The following ATXN7 variants were observed in gnomAD, a reference collection of about 807,000 sequenced individuals.
The protein encoded by ATXN7 is ataxin 7.
In ATXN7, 12 loss-of-function variants were observed where a neutral mutation model predicts 70.5. The observed-to-expected ratio is 0.17, with a 90% CI of 0.11 to 0.28. The LOEUF (loss-of-function observed/expected upper bound fraction) is 0.28. Among genes scored for constraint, ATXN7 ranks in the 10% least tolerant of loss-of-function variants. The pLI, the probability that ATXN7 is intolerant of heterozygous loss-of-function variation, is 1.00. For missense variants in ATXN7, 1,256 were observed against 1,131.7 expected (o/e 1.11, Z -1.58); for synonymous variants, 498 against 448.7 (o/e 1.11, Z -1.39).
At chr3:63,982,720 A>G (rs1022036865) in intron 7 of ATXN7, among the ~76,000 whole-genome samples, 1 of 151,746 alleles carries the variant, frequency 6.6e-6, no homozygotes, top group African/African-American at 2.4e-5. Flanking sequence ...CTTAAACAAT[A>G]TCTTTTCTAC....
chr3:63,906,726 G>A (rs1420180004), intron 2 of ATXN7, among the ~76,000 whole-genome samples: 1 of 152,192 alleles, frequency 6.6e-6, no homozygotes, highest in Non-Finnish European at 1.5e-5. Context: ...GAGGGAAACT[G>A]TTAAAGATGG....
At chr3:63,963,801 A>T (rs1297740367) in intron 5 of ATXN7, among the ~76,000 whole-genome samples, 1 of 152,172 alleles carries the variant, frequency 6.6e-6, no homozygotes, top group Non-Finnish European at 1.5e-5. Context: ...GTGTGAACCA[A>T]ACAGCAGTAC....
chr3:63,892,790 C>T (rs1367451786), intron 1 of ATXN7, among the ~76,000 whole-genome samples: 4 of 152,160 alleles, frequency 2.6e-5, no homozygotes, highest in Non-Finnish European at 4.4e-5. Flanking sequence ...CACTTAACAA[C>T]ATTGGGCCCT....
intron 2 of ATXN7, 119 bp from the exon 3 acceptor site, chr3:63,912,469 G>A: frequency 1.8e-6 from 1 of 566,926 alleles, no homozygotes; most frequent in Non-Finnish European, 2.3e-6. Flanking sequence ...CGGCCATGGG[G>A]GCGCTGTCAG....
chr3:63,919,819 A>C (rs973776003), intron 4 of ATXN7, among the ~76,000 whole-genome samples: 1 of 139,382 alleles, frequency 7.2e-6, no homozygotes, highest in Admixed American at 8.0e-5. Context: ...GGAGCAGTTC[A>C]CATACAGAGC....
intron 4 of ATXN7, among the ~76,000 whole-genome samples, chr3:63,948,199 T>G (rs1267320360): frequency 6.6e-6 from 1 of 152,028 alleles, no homozygotes; most frequent in East Asian, 1.9e-4. Flanking sequence ...GATGAAGATT[T>G]TAGGATAGAA....
At chr3:63,960,856 G>A (rs1248445493) in intron 5 of ATXN7, among the ~76,000 whole-genome samples, 1 of 150,964 alleles carries the variant, frequency 6.6e-6, no homozygotes, top group South Asian at 2.1e-4. Flanking sequence ...GGGGTGGGGG[G>A]TCATTTTTTC....
At chr3:63,948,671 G>C (rs988948146) in intron 4 of ATXN7, among the ~76,000 whole-genome samples, 1 of 152,170 alleles carries the variant, frequency 6.6e-6, no homozygotes. Flanking sequence ...TTCTAGCAGA[G>C]GGACTTCATT....
chr3:63,894,702 T>A (rs1011259162), intron 1 of ATXN7, among the ~76,000 whole-genome samples: 4 of 152,208 alleles, frequency 2.6e-5, no homozygotes, highest in African/African-American at 9.6e-5. Flanking sequence ...TTTTTAAAAA[T>A]TTTCTGTAGA....
At chr3:63,881,254 G>GAGT (rs3055545) in intron 1 of ATXN7, among the ~76,000 whole-genome samples, 103,872 of 151,622 alleles carry the variant, frequency 0.69, 37,532 homozygotes, top group South Asian at 0.83. Flanking sequence ...TTTTGTGATT[G>GAGT]AGTAGTACCA....
In ATXN7 at chr3:63,988,192, C is replaced by T. The variant is rs758864279; in HGVS notation, c.1229C>T (p.Pro410Leu). The T allele has an allele frequency of 3.1e-6, 5 of 1,614,110 alleles. No homozygotes were observed. The highest frequency in any genetic ancestry group is 1.1e-5 in the South Asian group (1 of 91,076). Residue 410 changes from proline (P) to leucine (L), a missense_variant, in exon 9 of 13, where the codon CCT becomes CTT. By Grantham distance (98) the Pro-to-Leu change is moderately conservative. Coordinates refer to ENST00000674280, the MANE Select transcript of ATXN7 (RefSeq NM_001377405.1). ...RHPDSQQPPQ[P>L]LRDPHPAPPR... ...CCGGACTCTCAGCAACCACCGCAGC[C>T]TCTCAGGGACCCGCATCCCGCCCCT...
intron 4 of ATXN7, among the ~76,000 whole-genome samples, chr3:63,932,279 A>T (rs2074561043): frequency 6.6e-6 from 1 of 152,246 alleles, no homozygotes; most frequent in African/African-American, 2.4e-5. Context: ...TTACAGAAAC[A>T]TACAGTATTT....
chr3:63,867,921 T>C (rs1040972197), intron 1 of ATXN7, among the ~76,000 whole-genome samples: 1 of 152,262 alleles, frequency 6.6e-6, no homozygotes, highest in African/African-American at 2.4e-5. Context: ...TAAATAAAGT[T>C]GTCTTCAGAC....
chr3:63,961,371 G>A (rs1037914264), intron 5 of ATXN7, among the ~76,000 whole-genome samples: 1 of 152,044 alleles, frequency 6.6e-6, no homozygotes, highest in African/African-American at 2.4e-5. Flanking sequence ...TAGATCTTCA[G>A]TGTTGCATTA....
intron 8 of ATXN7, among the ~76,000 whole-genome samples, chr3:63,985,045 A>G (rs1333026175): frequency 2.0e-5 from 3 of 152,202 alleles, no homozygotes; most frequent in Non-Finnish European, 4.4e-5. Context: ...ACAGACATTT[A>G]TATTGTTTCT....
chr3:63,965,598 A>G (rs902304996), intron 5 of ATXN7, among the ~76,000 whole-genome samples: 4 of 152,334 alleles, frequency 2.6e-5, no homozygotes, highest in Middle Eastern at 3.4e-3. Flanking sequence ...TTTAGTCTGT[A>G]GTCTTAATTT....
chr3:63,985,074 A>G (rs1177099436), intron 8 of ATXN7, among the ~76,000 whole-genome samples: 1 of 152,218 alleles, frequency 6.6e-6, no homozygotes, highest in Non-Finnish European at 1.5e-5. Context: ...TCTATTATAA[A>G]TAATACTTCA....
Position 63,983,111 on chromosome 3 carries a change from A to G in ATXN7, c.1095+90A>G, listed in dbSNP as rs1466071891. ...ACTACTCCCACAGTCTCTCTAACCC[A>G]GAGAAGATGCTCTGTGGATTGTTGT... On this transcript the variant is annotated intron_variant, in intron 8 of 12. Coordinates refer to ENST00000674280, the MANE Select transcript of ATXN7 (RefSeq NM_001377405.1). 1.5e-5 allele frequency: 16 copies of G among 1,033,140 alleles called. No individual in the cohort carries two copies. In the Admixed American group the frequency reaches 2.0e-4, roughly 13 times the overall value. 64.0% of individuals were successfully genotyped at this position (1,033,140 alleles called of 1,614,324 possible). A position where few individuals can be genotyped will look rare whatever the true frequency, so the allele number is the denominator to read the frequency against.
At chr3:63,922,570 A>G (rs1024498100) in intron 4 of ATXN7, among the ~76,000 whole-genome samples, 1 of 152,060 alleles carries the variant, frequency 6.6e-6, no homozygotes, top group African/African-American at 2.4e-5. Flanking sequence ...TCTGGGCAAA[A>G]AAGGTAAATT....
Sources: allele counts gnomAD v4.1 joint callset (sites outside exome capture counted in the v4.1 genomes callset), GRCh38; gene constraint gnomAD v4.1.1; transcripts MANE v1.5; gene names NCBI Gene and HGNC (gene_info 2026-07-23, HGNC 2026-07-21).